Variants in PHYH observed in about 807,000 individuals in gnomAD.
PHYH encodes the protein phytanoyl-CoA 2-hydroxylase.
In PHYH, 32 loss-of-function variants were observed where a neutral mutation model predicts 38.5. The ratio of observed to expected loss-of-function variants is 0.83; its 90% CI spans 0.63 to 1.12. The LOEUF (loss-of-function observed/expected upper bound fraction) is 1.12, where lower values mean the gene tolerates loss of function less well. PHYH is among the 50% of genes most tolerant of loss of function. The pLI, the probability that PHYH is intolerant of heterozygous loss-of-function variation, is 0.00. For missense variants in PHYH, 426 were observed against 434.8 expected, an observed-to-expected ratio of 0.98 and a Z score of 0.18; for synonymous variants, 166 against 157.9, an observed-to-expected ratio of 1.05 and a Z score of -0.38.
intron 3 of PHYH, chr10:13,295,069 G>T: frequency 3.5e-6 from 1 of 282,754 alleles, no homozygotes; most frequent in Non-Finnish European, 6.8e-6. Context: ...GCCCAGGCAT[G>T]GTGGCTCCCG....
At chr10:13,282,058 C>T (rs181405941) in intron 7 of PHYH, among the ~76,000 whole-genome samples, 312 of 152,114 alleles carry the variant, frequency 2.1e-3, no homozygotes, top group African/African-American at 6.9e-3. Context: ...CTCGCCTGGG[C>T]AACATAGCAA....
chr10:13,286,199 C>T (rs1275470588), intron 6 of PHYH, among the ~76,000 whole-genome samples: 1 of 152,108 alleles, frequency 6.6e-6, no homozygotes, highest in African/African-American at 2.4e-5. Context: ...AGACCTAACG[C>T]GTTAATAGTC....
At chr10:13,282,790 A>AT (rs532157112) in intron 7 of PHYH, among the ~76,000 whole-genome samples, 94 of 152,034 alleles carry the variant, frequency 6.2e-4, no homozygotes, top group African/African-American at 2.1e-3. Flanking sequence ...ATTAATTTTG[A>AT]TTTTTTTAAA....
At chr10:13,286,369 CA>C (rs974191477) in intron 6 of PHYH, among the ~76,000 whole-genome samples, 2 of 152,034 alleles carry the variant, frequency 1.3e-5, no homozygotes, top group African/African-American at 4.8e-5. Context: ...ATGAACAAAC[CA>C]TGGTTCACGG....
At chr10:13,285,186 T>C (rs1835516835) in intron 6 of PHYH, among the ~76,000 whole-genome samples, 1 of 152,108 alleles carries the variant, frequency 6.6e-6, no homozygotes. Flanking sequence ...CTATTATTAT[T>C]ATTATTGTTA....
intron 5 of PHYH, among the ~76,000 whole-genome samples, chr10:13,291,131 C>T (rs934076744): frequency 7.7e-6 from 1 of 129,236 alleles, no homozygotes; most frequent in African/African-American, 2.9e-5. Context: ...AAAAAAAAGA[C>T]CACTATAGTT....
intron 4 of PHYH, among the ~76,000 whole-genome samples, chr10:13,294,097 G>T (rs1375990363): frequency 6.6e-6 from 1 of 152,136 alleles, no homozygotes; most frequent in Non-Finnish European, 1.5e-5. Context: ...AGCTACTTGG[G>T]AGGCTGGGGC....
intron 5 of PHYH, chr10:13,291,565 C>A (rs554405079): frequency 2.0e-4 from 97 of 476,756 alleles, no homozygotes; most frequent in African/African-American, 1.8e-3. Flanking sequence ...CTGCAGCCTT[C>A]AACTCCTGGG....
At chr10:13,278,856 A>C (rs774393263) in intron 8 of PHYH, among the ~76,000 whole-genome samples, 1 of 152,014 alleles carries the variant, frequency 6.6e-6, no homozygotes, top group Non-Finnish European at 1.5e-5. Context: ...CCGACTTCTA[A>C]AACAGTGTTA....
In PHYH at chr10:13,291,811, T is replaced by G. The variant is rs1213275292; in HGVS notation, c.496+20A>C. 6.5e-7 allele frequency: 1 copy of G among 1,549,966 alleles called. No individual in the cohort carries two copies. The highest frequency in any genetic ancestry group is 1.4e-5 in the African/African-American group (1 of 73,626). ...CACATTTTAATGAAACCATTTTTTT[T>G]TCTTCTCCCTTACAATTACCAGAAT... is the stretch of plus-strand genomic sequence containing the variant. On this transcript the variant is annotated intron_variant, in intron 5 of 8. Coordinates refer to ENST00000263038, the MANE Select transcript of PHYH (RefSeq NM_006214.4).
chr10:13,278,318 C>T lies in PHYH; in HGVS notation c.1000G>A (p.Glu334Lys). Residue 334 changes from glutamate (E) to lysine (K), a missense_variant, in exon 9 of 9, where the codon GAA (glutamate) becomes AAA (lysine). Physicochemically the swap from Glu to Lys is moderately conservative, Grantham distance 56 (BLOSUM62 1). Coordinates refer to ENST00000263038, the MANE Select transcript of PHYH (RefSeq NM_006214.4). ...WMFRARLVKGERTNL is the reference protein window; with the variant it reads ...WMFRARLVKGKRTNL The stretch of plus-strand genomic sequence containing the variant: ...TGGCTATTTCAAAGATTGGTTCTTT[C>T]TCCTTTCACAAGTCGAGCTCGAAAC... 6.2e-7 allele frequency: 1 copy of T among 1,612,544 alleles called. No individual in the cohort carries two copies. Among genetic ancestry groups the T allele is most frequent in the Non-Finnish European group, 8.5e-7 (1 of 1,178,630 alleles).
At position 13,300,025 on chromosome 10, in the gene PHYH, G is replaced by A. The variant is rs2131665198; in HGVS notation, c.18C>T (p.Ala6=). MEQLR[A]AARLQIVLGH... ...CCAGAACAATCTGCAGACGGGCGGC[G>A]GCGCGAAGCTGCTCCATGGCTGCGG... is the stretch of plus-strand genomic sequence containing the variant. Residue 6 remains alanine, a synonymous_variant, in exon 1 of 9, where the codon GCC becomes GCT. Transcript: ENST00000263038. 1 of 1,532,126 alleles carries A rather than the reference G, an allele frequency of 6.5e-7. No homozygotes were observed. The highest frequency in any genetic ancestry group is 1.2e-5 in the South Asian group (1 of 83,148). 94.9% of individuals were successfully genotyped at this position (1,532,126 alleles called of 1,614,324 possible). A position where few individuals can be genotyped will look rare whatever the true frequency, so the allele number is the denominator to read the frequency against.
chr10:13,285,418 A>C (rs945350273), intron 6 of PHYH, among the ~76,000 whole-genome samples: 6 of 152,144 alleles, frequency 3.9e-5, no homozygotes, highest in Admixed American at 2.6e-4. Flanking sequence ...TCCTGACCTC[A>C]AGTGATCCAC....
At chr10:13,283,961 T>C in intron 6 of PHYH, 122 bp from the exon 7 acceptor site, 1 of 886,076 alleles carries the variant, frequency 1.1e-6, no homozygotes, top group East Asian at 2.4e-5. Context: ...CCAAGAGAAA[T>C]AAATGTCTAA....
At chr10:13,296,765 G>A (rs573893921) in intron 2 of PHYH, among the ~76,000 whole-genome samples, 3 of 149,566 alleles carry the variant, frequency 2.0e-5, no homozygotes, top group African/African-American at 4.9e-5. Context: ...GACCATCCTG[G>A]CTAACACGGT....
intron 4 of PHYH, among the ~76,000 whole-genome samples, chr10:13,294,040 A>G (rs2131650012): frequency 1.3e-5 from 2 of 151,990 alleles, no homozygotes; most frequent in South Asian, 4.2e-4. Flanking sequence ...TTTCTCTACT[A>G]AAAATACAAA....
At chr10:13,278,521 TAA>T (rs1835342734) in intron 8 of PHYH, among the ~76,000 whole-genome samples, 167 bp from the exon 9 acceptor site, 1 of 152,166 alleles carries the variant, frequency 6.6e-6, no homozygotes, top group Non-Finnish European at 1.5e-5. Context: ...CAACTCAACT[TAA>T]ACTACTTACT....
intron 2 of PHYH, among the ~76,000 whole-genome samples, chr10:13,296,948 G>T (rs997338703): frequency 6.6e-6 from 1 of 151,002 alleles, no homozygotes; most frequent in Non-Finnish European, 1.5e-5. Flanking sequence ...AGCCAGACTC[G>T]GTCTCAAAAT....
At chr10:13,299,162 T>G (rs1474341785) in intron 1 of PHYH, among the ~76,000 whole-genome samples, 1 of 149,610 alleles carries the variant, frequency 6.7e-6, no homozygotes, top group Non-Finnish European at 1.5e-5. Flanking sequence ...AGCAAAACCC[T>G]AGAAATTCCT....
Sources: gnomAD v4.1 joint callset for allele counts (sites outside exome capture counted in the v4.1 genomes callset) on GRCh38, gnomAD v4.1.1 for gene constraint, MANE v1.5 for transcripts, NCBI Gene and HGNC (gene_info 2026-07-23, HGNC 2026-07-21) for gene names.